CAPN10: variants seen among roughly 807,000 people sequenced by gnomAD.
CAPN10 encodes calpain-10.
In CAPN10, 71 loss-of-function variants were observed where a neutral mutation model predicts 78.4. The ratio of observed to expected loss-of-function variants is 0.91; its 90% CI spans 0.75 to 1.10. The LOEUF is 1.10. Ranked by LOEUF, CAPN10 falls within the 50% of genes least tolerant of loss-of-function variation. CAPN10 has a pLI of 0.00. For synonymous variants in CAPN10, 437 were observed against 407.2 expected (o/e 1.07, Z -0.88); for missense variants, 849 against 924.6 (o/e 0.92, Z 1.06).
At chr2:240,587,083 T>C in intron 1 of CAPN10, 31 bp downstream of exon 1, 3 of 1,328,054 alleles carry the variant, frequency 2.3e-6, no homozygotes, top group Non-Finnish European at 2.9e-6. Context: ...GTGGGCGCCG[T>C]TTCTGGTTTC....
chr2:240,594,087 G>T (rs1200069893), intron 5 of CAPN10, 40 bp downstream of exon 5: 2 of 1,533,994 alleles, frequency 1.3e-6, no homozygotes, highest in African/African-American at 2.7e-5. Context: ...GTCGGGAGGG[G>T]GGCCCAGTGC....
At chr2:240,591,202 G>T in intron 3 of CAPN10, 191 bp downstream of exon 3, 1 of 582,276 alleles carries the variant, frequency 1.7e-6, no homozygotes, top group Non-Finnish European at 3.0e-6. Flanking sequence ...CCTGTGGATT[G>T]CCCACTCCCT....
Position 240,590,898 on chromosome 2 carries a change from G to C in CAPN10, c.357G>C (p.Trp119Cys). The change falls in exon 3 of 12, where the codon TGG (tryptophan) becomes TGC (cysteine). Residue 119 changes from tryptophan (W) to cysteine (C), a missense_variant. By Grantham distance (215) the Trp-to-Cys change is radical. Transcript: ENST00000391984. Reference sequence around the variant, plus strand: ...GTCGCATTTGGCAGTTTGGACGCTGGGTGGAGGTGACCACAGATGACCGCC... The same window carrying C: ...GTCGCATTTGGCAGTTTGGACGCTGCGTGGAGGTGACCACAGATGACCGCC... The part of the protein sequence containing the change: ...FTCRIWQFGR[W>C]VEVTTDDRLP... 2 of 1,614,242 alleles carry C rather than the reference G, an allele frequency of 1.2e-6. No individual in the cohort carries two copies. Among genetic ancestry groups the C allele is most frequent in the South Asian group, 1.1e-5 (1 of 91,080 alleles).
chr2:240,594,699 C>T lies in CAPN10; in HGVS notation c.987C>T (p.Ser329=). ...YPVTEAGHLQ[S]LYTERLLCHT... Reference sequence around the variant, plus strand: ...TCACGGAGGCCGGCCACCTGCAGAGCCTCTACACAGGTAGTGCCCCGAGGG... The same window carrying T: ...TCACGGAGGCCGGCCACCTGCAGAGTCTCTACACAGGTAGTGCCCCGAGGG... The change falls in exon 6 of 12, where the codon AGC becomes AGT. Residue 329 remains serine (S), a synonymous_variant. Coordinates refer to ENST00000391984, the MANE Select transcript of CAPN10 (RefSeq NM_023083.4). 1 of 1,612,104 alleles carries T rather than the reference C, an allele frequency of 6.2e-7. No individual in the cohort carries two copies. The highest frequency in any genetic ancestry group is 8.5e-7 in the Non-Finnish European group (1 of 1,179,372).
chr2:240,591,169 G>A (rs2093099518), intron 3 of CAPN10, 158 bp downstream of exon 3: 5 of 641,334 alleles, frequency 7.8e-6, no homozygotes, highest in Non-Finnish European at 5.3e-6. Context: ...TGACAGGCCA[G>A]GTGCAGAGAT....
intron 4 of CAPN10, chr2:240,592,616 G>A (rs1021017715): frequency 9.9e-6 from 4 of 404,176 alleles, no homozygotes; most frequent in Admixed American, 3.3e-5. Flanking sequence ...CAAGAGACCC[G>A]CCTGGGCAAC....
At chr2:240,589,537 C>G in intron 2 of CAPN10, 63 bp downstream of exon 2, 2 of 1,548,364 alleles carry the variant, frequency 1.3e-6, no homozygotes, top group South Asian at 2.5e-5. Flanking sequence ...CTCCAGCCTG[C>G]TGAGTACCAG....
At chr2:240,594,953 A>G (rs988397070) in intron 6 of CAPN10, 71 bp from the exon 7 acceptor site, 6 of 1,535,490 alleles carry the variant, frequency 3.9e-6, no homozygotes, top group Non-Finnish European at 5.3e-6. Context: ...GCCAGGGTTC[A>G]TGAGGCCACC....
chr2:240,596,145 C>T (rs913175167), intron 7 of CAPN10, 174 bp from the exon 8 acceptor site: 19 of 1,504,202 alleles, frequency 1.3e-5, no homozygotes, highest in African/African-American at 8.3e-5. Context: ...AAGTGAAGCC[C>T]GGGATTGGTG....
At chr2:240,597,025 A>T in intron 9 of CAPN10, 83 bp downstream of exon 9, 1 of 1,551,152 alleles carries the variant, frequency 6.4e-7, no homozygotes, top group Non-Finnish European at 8.8e-7. Context: ...GTCCCAACAG[A>T]GGGCTCTGGG....
At chr2:240,596,228 A>G (rs2093135630) in intron 7 of CAPN10, 91 bp from the exon 8 acceptor site, 3 of 1,491,394 alleles carry the variant, frequency 2.0e-6, no homozygotes, top group African/African-American at 1.4e-5. Flanking sequence ...TGTCAACTCC[A>G]GAGGCCCTTG....
intron 6 of CAPN10, 28 bp downstream of exon 6, chr2:240,594,737 A>G (rs777489411): frequency 7.5e-6 from 12 of 1,597,980 alleles, no homozygotes; most frequent in Non-Finnish European, 9.4e-6. Flanking sequence ...TGTGCTGGGC[A>G]CGTGCTCTGC....
intron 1 of CAPN10, among the ~76,000 whole-genome samples, chr2:240,587,988 C>G (rs925105972): frequency 4.6e-5 from 7 of 152,114 alleles, no homozygotes; most frequent in African/African-American, 1.4e-4. Context: ...CTCAGATTAG[C>G]TTGACGACTG....
In CAPN10 at chr2:240,598,684, G is replaced by A; in HGVS notation, c.*4G>A. On this transcript the variant is annotated 3_prime_UTR_variant, in exon 12 of 12. Coordinates refer to ENST00000391984, the MANE Select transcript of CAPN10 (RefSeq NM_023083.4). ...CATGGCAGTGATGAAAACCTAACAG[G>A]GTGGCCCCCTGTGCCAGCTCAGGTG... is the stretch of plus-strand genomic sequence containing the variant. 6.4e-7 allele frequency: 1 copy of A among 1,574,380 alleles called. No homozygotes were observed. The highest frequency in any genetic ancestry group is 1.2e-5 in the South Asian group (1 of 85,694).
rs1322895178 is a variant in CAPN10 at position 240,590,893 on chromosome 2, C to T, written c.352C>T (p.Arg118Cys). Residue 118 changes from arginine to cysteine, a missense_variant, in exon 3 of 12, where the codon CGC becomes TGC. Physicochemically the swap from Arg to Cys is radical, Grantham distance 180. Coordinates refer to ENST00000391984, the MANE Select transcript of CAPN10 (RefSeq NM_023083.4). ...CACCTGTCGCATTTGGCAGTTTGGA[C>T]GCTGGGTGGAGGTGACCACAGATGA... ...SFTCRIWQFG[R>C]WVEVTTDDRL... 28 of 1,614,092 alleles carry T rather than the reference C, an allele frequency of 1.7e-5. No individual in the cohort carries two copies. The highest frequency in any genetic ancestry group is 8.8e-5 in the South Asian group (8 of 91,090).
Position 240,596,471 on chromosome 2 carries a change from G to C in CAPN10, c.1431G>C (p.Ala477=), listed in dbSNP as rs368588347. 6.2e-7 allele frequency: 1 copy of C among 1,612,900 alleles called. No individual in the cohort carries two copies. The highest frequency in any genetic ancestry group is 1.3e-5 in the African/African-American group (1 of 75,034). Residue 477 remains alanine (A), a synonymous_variant, in exon 8 of 12, where the codon GCG becomes GCC. Coordinates refer to ENST00000391984, the MANE Select transcript of CAPN10 (RefSeq NM_023083.4). ...TCCCCAGCACCTTCCTGAAGGACGC[G>C]CCAGGGGAGTTCCTGCTCCGAGTCT... The part of the protein sequence containing the change: ...LAVPSTFLKD[A]PGEFLLRVFS...
At chr2:240,589,224 G>A in intron 1 of CAPN10, 119 bp from the exon 2 acceptor site, 6 of 1,341,954 alleles carry the variant, frequency 4.5e-6, no homozygotes, top group Non-Finnish European at 6.4e-6. Context: ...CCCTTTTTGG[G>A]TAACACTGAT....
Position 240,592,062 on chromosome 2 carries a change from A to C in CAPN10, c.600A>C (p.Pro200=). 1 of 1,608,830 alleles carries C rather than the reference A, an allele frequency of 6.2e-7. No homozygotes were observed. Among genetic ancestry groups the C allele is most frequent in the Non-Finnish European group, 8.5e-7 (1 of 1,178,448 alleles). The change falls in exon 4 of 12, where the codon CCA becomes CCC. Residue 200 remains proline (P), a synonymous_variant. Transcript: ENST00000391984. Reference sequence around the variant, plus strand: ...GAAGCGGAGGCCAGCAGGACAGGCCAGGCCGCTGGGAGCACAGGACTTGTC... The same window carrying C: ...GAAGCGGAGGCCAGCAGGACAGGCCCGGCCGCTGGGAGCACAGGACTTGTC... ...VAGSGGQQDR[P]GRWEHRTCRQ... is the part of the protein sequence containing the mutation.
At chr2:240,591,861 A>G in intron 3 of CAPN10, 72 bp from the exon 4 acceptor site, 1 of 1,390,392 alleles carries the variant, frequency 7.2e-7, no homozygotes, top group Admixed American at 2.0e-5. Flanking sequence ...GGGGTGCTAC[A>G]GACCATGGGA....
Sources: gnomAD v4.1 joint callset for allele counts (sites outside exome capture counted in the v4.1 genomes callset) on GRCh38, gnomAD v4.1.1 for gene constraint, MANE v1.5 for transcripts, NCBI Gene and HGNC (gene_info 2026-07-23, HGNC 2026-07-21) for gene names.